The following SLC17A7 variants were observed in gnomAD, a reference collection of about 807,000 sequenced individuals.
SLC17A7 encodes the protein solute carrier family 17 member 7, also known as vesicular glutamate transporter 1.
Under a neutral mutation model 59.1 loss-of-function variants are expected in SLC17A7, and 15 were observed. The ratio of observed to expected loss-of-function variants is 0.25; its 90% CI spans 0.17 to 0.39. SLC17A7 has a LOEUF of 0.39. SLC17A7 is among the 10% of genes least tolerant of loss of function. The probability of loss-of-function intolerance (pLI) is 1.00; values close to 1 mark genes in which losing one functional copy is unlikely to be tolerated. For missense variants in SLC17A7, 499 were observed against 765.1 expected (o/e 0.65, Z 4.10); for synonymous variants, 353 against 308.9 (o/e 1.14, Z -1.50).
In SLC17A7 at chr19:49,431,294, A is replaced by G. The variant is rs551088893; in HGVS notation, c.1261+44T>C. 6.2e-7 allele frequency: 1 copy of G among 1,605,472 alleles called. No individual in the cohort carries two copies. The highest frequency in any genetic ancestry group is 1.3e-5 in the African/African-American group (1 of 74,794). ...GTTCCTGAGCCAGGAAGTTCCCTAC[A>G]GAGCTGACCAGAGTCCCCCAAGCTG... On this transcript the variant is annotated intron_variant, in intron 10 of 11. Coordinates refer to ENST00000221485, the MANE Select transcript of SLC17A7 (RefSeq NM_020309.4). The surrounding 1 kb of genome is among the most constrained non-coding windows in gnomAD (Gnocchi z 4.6).
chr19:49,430,801 C>T lies in SLC17A7; in HGVS notation c.1401G>A (p.Glu467=), dbSNP rs2078956374. Residue 467 remains glutamate, a synonymous_variant, in exon 12 of 12, where the codon GAG becomes GAA. Coordinates refer to ENST00000221485, the MANE Select transcript of SLC17A7 (RefSeq NM_020309.4). ...AGGCAATTAGGAACACGTACTGCCA[C>T]TCCTCCCGAGTCTGCAGGGGACAAT... ...GAMTKHKTRE[E]WQYVFLIASL... 1.2e-6 allele frequency: 2 copies of T among 1,610,212 alleles called. No individual in the cohort carries two copies. Among genetic ancestry groups the T allele is most frequent in the East Asian group, 4.5e-5 (2 of 44,820 alleles).
intron 1 of SLC17A7, among the ~76,000 whole-genome samples, chr19:49,440,855 TC>T (rs1332434415): frequency 6.7e-6 from 1 of 149,664 alleles, no homozygotes; most frequent in Non-Finnish European, 1.5e-5. Flanking sequence ...TTGATAGAGA[TC>T]CAGTGAGAGC....
chr19:49,430,806 C>T lies in SLC17A7; in HGVS notation c.1396G>A (p.Glu466Lys). Residue 466 changes from glutamate (E) to lysine (K), a missense_variant, in exon 12 of 12, where the codon GAG (glutamate) becomes AAG (lysine). Around this residue, in one of 3 missense-constraint regions of SLC17A7, gnomAD observed 323 missense variants for 607.2 expected, o/e 0.53. Coordinates refer to ENST00000221485, the MANE Select transcript of SLC17A7 (RefSeq NM_020309.4). ...ATTAGGAACACGTACTGCCACTCCT[C>T]CCGAGTCTGCAGGGGACAATAGGGC... ...VGAMTKHKTR[E>K]EWQYVFLIAS... The T allele has an allele frequency of 6.2e-7, 1 of 1,608,586 alleles. No homozygotes were observed. The highest frequency in any genetic ancestry group is 8.5e-7 in the Non-Finnish European group (1 of 1,176,608).
Position 49,436,462 on chromosome 19 carries a change from T to G in SLC17A7, c.315+87A>C, listed in dbSNP as rs2946848. ...TTTCGGAAGGGGCGTGGCCTGGACGTCTGGTGGGTGAGTGTGACGTCATGG... is the reference window on the plus strand; with the variant it reads ...TTTCGGAAGGGGCGTGGCCTGGACGGCTGGTGGGTGAGTGTGACGTCATGG... On this transcript the variant is annotated intron_variant, in intron 2 of 11. Coordinates refer to ENST00000221485, the MANE Select transcript of SLC17A7 (RefSeq NM_020309.4). The surrounding 1 kb of genome is among the most constrained non-coding windows in gnomAD (Gnocchi z 4.1). 2 of 1,527,116 alleles carry G rather than the reference T, an allele frequency of 1.3e-6. No individual in the cohort carries two copies. Among genetic ancestry groups the G allele is most frequent in the Admixed American group, 3.5e-5 (2 of 56,962 alleles). 94.6% of individuals were successfully genotyped at this position (1,527,116 alleles called of 1,614,324 possible). A position where few individuals can be genotyped will look rare whatever the true frequency, so the allele number is the denominator to read the frequency against.
intron 1 of SLC17A7, among the ~76,000 whole-genome samples, chr19:49,438,671 TA>T (rs2078988863): frequency 6.6e-6 from 1 of 151,822 alleles, no homozygotes; most frequent in South Asian, 2.1e-4. Context: ...GAGCCAGAGA[TA>T]GGGGGGATTG....
chr19:49,432,382 C>T, intron 9 of SLC17A7, 137 bp downstream of exon 9: 1 of 1,234,064 alleles, frequency 8.1e-7, no homozygotes, highest in Non-Finnish European at 1.1e-6. Context: ...ACCCTGTTGG[C>T]CACGGCCCTT....
chr19:49,440,636 G>A (rs980003066), intron 1 of SLC17A7, among the ~76,000 whole-genome samples: 7 of 152,206 alleles, frequency 4.6e-5, no homozygotes, highest in Admixed American at 2.6e-4. Flanking sequence ...ACCCCCTCAA[G>A]GACAACGGGC....
At chr19:49,440,162 T>C (rs1227413360) in intron 1 of SLC17A7, among the ~76,000 whole-genome samples, 1 of 152,122 alleles carries the variant, frequency 6.6e-6, no homozygotes, top group Non-Finnish European at 1.5e-5. Flanking sequence ...GTGGGGTAAC[T>C]TTGGAGCTAA....
In SLC17A7 at chr19:49,431,420, C is replaced by G. The variant is rs1256241651; in HGVS notation, c.1179G>C (p.Leu393Phe). 6.2e-7 allele frequency: 1 copy of G among 1,613,984 alleles called. No individual in the cohort carries two copies. The highest frequency in any genetic ancestry group is 2.2e-5 in the East Asian group (1 of 44,896). ...GGFGMEATLL[L>F]VVGYSHSKGV... ...CCTTGGAGTGCGAGTAGCCGACCAC[C>G]AACAGCAGCGTGGCTTCCATGCCGA... The change falls in exon 10 of 12, where the codon TTG (leucine) becomes TTC (phenylalanine). Residue 393 changes from leucine (L) to phenylalanine (F), a missense_variant. This residue lies in a region of SLC17A7 where 323 missense variants were observed against 607.2 expected (regional missense o/e 0.53). Coordinates refer to ENST00000221485, the MANE Select transcript of SLC17A7 (RefSeq NM_020309.4). The surrounding 1 kb of genome is among the most constrained non-coding windows in gnomAD (Gnocchi z 4.6).
Position 49,434,684 on chromosome 19 carries a change from G to A in SLC17A7, c.555C>T (p.Val185=). ...AGATCCCATGGCAGGCGGGGTATGTGACCCCCTAAAGAGGAGAAAACCAAG... is the reference window on the plus strand; with the variant it reads ...AGATCCCATGGCAGGCGGGGTATGTAACCCCCTAAAGAGGAGAAAACCAAG... The part of the protein sequence containing the change: ...VRILQGLVEG[V]TYPACHGIWS... The change falls in exon 5 of 12, where the codon GTC becomes GTT. Residue 185 remains valine, a synonymous_variant. Transcript: ENST00000221485. 1 of 1,614,128 alleles carries A rather than the reference G, an allele frequency of 6.2e-7. No individual in the cohort carries two copies. The highest frequency in any genetic ancestry group is 8.5e-7 in the Non-Finnish European group (1 of 1,179,988).
intron 1 of SLC17A7, chr19:49,437,761 G>T (rs1301517915): frequency 6.6e-6 from 1 of 151,914 alleles, no homozygotes; most frequent in Non-Finnish European, 1.5e-5. Flanking sequence ...GATACAGGGG[G>T]ACAGAGACCC....
chr19:49,434,115 C>G (rs971665540), intron 5 of SLC17A7, 69 bp from the exon 6 acceptor site: 23 of 1,007,964 alleles, frequency 2.3e-5, no homozygotes, highest in East Asian at 1.5e-4. Flanking sequence ...GGACCCCCAC[C>G]GCTTCCCCCT....
At position 49,435,169 on chromosome 19, in the gene SLC17A7, T is replaced by A; in HGVS notation, c.433A>T (p.Arg145Ter). The A allele has an allele frequency of 6.2e-7, 1 of 1,611,494 alleles. No individual in the cohort carries two copies. Among genetic ancestry groups the A allele is most frequent in the Non-Finnish European group, 8.5e-7 (1 of 1,177,594 alleles). The part of the protein sequence containing the change: ...GFICQKFAAN[R>*]VFGFAIVATS... Reference sequence around the variant, plus strand: ...CACTTTGAGACCCCACCACTGTACCTGTTGGCTGCAAATTTTTGACAGATA... The same window carrying A: ...CACTTTGAGACCCCACCACTGTACCAGTTGGCTGCAAATTTTTGACAGATA... The change falls in exon 3 of 12, where the codon AGA becomes TGA. Residue 145 changes from arginine (R) to a stop codon, truncating the protein, a stop_gained and splice_region_variant. Coordinates refer to ENST00000221485, the MANE Select transcript of SLC17A7 (RefSeq NM_020309.4). LOFTEE classifies it high-confidence loss of function.
intron 9 of SLC17A7, among the ~76,000 whole-genome samples, chr19:49,432,242 C>T (rs2078963439): frequency 1.3e-5 from 2 of 152,232 alleles, no homozygotes; most frequent in African/African-American, 4.8e-5. Flanking sequence ...AGGTCTTGTC[C>T]CTCCAGGCCC....
chr19:49,430,461 G>A lies in SLC17A7; in HGVS notation c.*58C>T. 7.8e-7 allele frequency: 1 copy of A among 1,274,792 alleles called. No homozygotes were observed. The highest frequency in any genetic ancestry group is 1.1e-6 in the Non-Finnish European group (1 of 913,394). The allele number at this position is 1,274,792 out of a possible 1,614,324, so 79.0% of individuals were successfully genotyped here. A position where few individuals can be genotyped will look rare whatever the true frequency, so the allele number is the denominator to read the frequency against. ...CAGGGTTCCTTGACACTGTCACTCA[G>A]GCCAGAGATGAGTGGAATGGAGGTC... On this transcript the variant is annotated 3_prime_UTR_variant, in exon 12 of 12. Transcript: ENST00000221485.
In SLC17A7 at chr19:49,429,894, G is replaced by T. The variant is rs1205249046; in HGVS notation, c.*625C>A. On this transcript the variant is annotated 3_prime_UTR_variant, in exon 12 of 12. Transcript: ENST00000221485. ...CATTATGCTAAGCTAGGGAGAAGAGGGTCTTGAGAAATTTGGTGCTTTCGC... is the reference window on the plus strand; with the variant it reads ...CATTATGCTAAGCTAGGGAGAAGAGTGTCTTGAGAAATTTGGTGCTTTCGC... 3 of 256,864 alleles carry T rather than the reference G, an allele frequency of 1.2e-5. No homozygotes were observed. Among genetic ancestry groups the T allele is most frequent in the Non-Finnish European group, 2.2e-5 (3 of 135,784 alleles). 15.9% of individuals were successfully genotyped at this position (256,864 alleles called of 1,614,324 possible). A position where few individuals can be genotyped will look rare whatever the true frequency, so the allele number is the denominator to read the frequency against.
In SLC17A7 at chr19:49,433,722, G is replaced by A. The variant is rs1000351979; in HGVS notation, c.867+4C>T. On this transcript the variant is annotated splice_donor_region_variant and intron_variant, in intron 7 of 11. Coordinates refer to ENST00000221485, the MANE Select transcript of SLC17A7 (RefSeq NM_020309.4). This position sits in a 1 kb window ranked among gnomAD's most constrained non-coding sequence, Gnocchi z 5.7. ...GCCCCTTCCCCGAAGATTTGGTCCC[G>A]GACCGTGAGGGGGTTCATGAGTTTC... The A allele has an allele frequency of 6.2e-7, 1 of 1,613,994 alleles. No homozygotes were observed. Among genetic ancestry groups the A allele is most frequent in the African/African-American group, 1.3e-5 (1 of 74,896 alleles).
chr19:49,435,498 C>G (rs541710405), intron 2 of SLC17A7: 12 of 502,932 alleles, frequency 2.4e-5, no homozygotes, highest in African/African-American at 1.5e-4. Context: ...GCTGCCTTAA[C>G]AACAGAGTCC....
chr19:49,434,710 G>T (rs756237129), intron 4 of SLC17A7, 21 bp from the exon 5 acceptor site: 1 of 1,614,168 alleles, frequency 6.2e-7, no homozygotes, highest in Non-Finnish European at 8.5e-7. Context: ...GAAAACCAAG[G>T]TCACTGAGAA....
Sources: gnomAD v4.1 joint callset for allele counts (sites outside exome capture counted in the v4.1 genomes callset) on GRCh38, gnomAD v4.1.1 for gene constraint, gnomAD v4.1.1 regional missense constraint, Gnocchi (gnomAD v3.1) non-coding constraint, MANE v1.5 for transcripts, NCBI Gene and HGNC (gene_info 2026-07-23, HGNC 2026-07-21) for gene names.